The following PKMYT1 variants were observed in gnomAD, a reference collection of about 807,000 sequenced individuals.
PKMYT1 encodes membrane-associated tyrosine- and threonine-specific cdc2-inhibitory kinase.
A neutral mutation model predicts 49.7 loss-of-function variants in PKMYT1; 35 were observed. The observed-to-expected ratio is 0.70, with a 90% CI of 0.54 to 0.93. PKMYT1 has a LOEUF of 0.93. Among genes scored for constraint, PKMYT1 ranks in the 40% least tolerant of loss-of-function variants. The pLI is 0.00. For missense variants in PKMYT1, 677 were observed against 673.1 expected, an observed-to-expected ratio of 1.01 and a Z score of -0.06; for synonymous variants, 331 against 287.6, an observed-to-expected ratio of 1.15 and a Z score of -1.53.
At position 2,975,860 on chromosome 16, in the gene PKMYT1, TGGCACAATC is replaced by T. The variant is rs886336069; in HGVS notation, c.379-57_379-49del. On this transcript the variant is annotated intron_variant, in intron 3 of 8. Coordinates refer to ENST00000262300, the MANE Select transcript of PKMYT1 (RefSeq NM_004203.5). ...GCACACAGTGAGGGTGAGCCACAAG[TGGCACAATC>T]ACATAGGGGGACAACCTGGCAGACC... is the stretch of plus-strand genomic sequence containing the variant. 1.9e-6 allele frequency: 3 copies of T among 1,546,646 alleles called. No individual in the cohort carries two copies. In the African/African-American group the frequency reaches 4.1e-5, roughly 21 times the overall value.
intron 7 of PKMYT1, chr16:2,973,492 T>C: frequency 6.9e-7 from 1 of 1,444,638 alleles, no homozygotes; most frequent in South Asian, 1.2e-5. Flanking sequence ...TAAGCCTTTC[T>C]GGAACTTCTT....
intron 3 of PKMYT1, chr16:2,976,115 G>A: frequency 2.6e-6 from 1 of 390,144 alleles, no homozygotes; most frequent in African/African-American, 2.0e-5. Context: ...GGCAGCCCAG[G>A]CTGTGGTGTG....
chr16:2,973,248 C>T, intron 7 of PKMYT1, 33 bp from the exon 8 acceptor site: 1 of 1,481,738 alleles, frequency 6.7e-7, no homozygotes, highest in Non-Finnish European at 9.0e-7. Flanking sequence ...AGGAGGGTGT[C>T]CAGGGCTAGG....
intron 7 of PKMYT1, chr16:2,973,441 A>T: frequency 2.0e-6 from 3 of 1,527,830 alleles, no homozygotes; most frequent in Non-Finnish European, 2.6e-6. Flanking sequence ...TTCAGAACAC[A>T]TGGACTTGGA....
At chr16:2,979,589 G>C in intron 2 of PKMYT1, 59 bp downstream of exon 2, 1 of 1,396,088 alleles carries the variant, frequency 7.2e-7, no homozygotes, top group Non-Finnish European at 1.0e-6. Flanking sequence ...GGCACACTCG[G>C]GGACCTGGGC....
rs2151067030 is a variant in PKMYT1 at position 2,973,142 on chromosome 16, G to A, written c.1384C>T (p.Pro462Ser). The A allele has an allele frequency of 1.3e-6, 2 of 1,550,244 alleles. No individual in the cohort carries two copies. Among genetic ancestry groups the A allele is most frequent in the Non-Finnish European group, 1.8e-6 (2 of 1,142,204 alleles). The change falls in exon 8 of 9, where the codon CCC (proline) becomes TCC (serine). Residue 462 changes from proline (P) to serine (S), a missense_variant. By Grantham distance (74) the Pro-to-Ser change is moderately conservative (BLOSUM62 -1). Coordinates refer to ENST00000262300, the MANE Select transcript of PKMYT1 (RefSeq NM_004203.5). ...CCAGCCCCTGGACCTGCTTACCTGGGTGTGCACCTGCTCCGGGGGGTGGAG... is the reference window on the plus strand; with the variant it reads ...CCAGCCCCTGGACCTGCTTACCTGGATGTGCACCTGCTCCGGGGGGTGGAG... ...STSTPRSRCTPRDALDLSDIN... is the reference protein window; with the variant it reads ...STSTPRSRCTSRDALDLSDIN...
At chr16:2,977,060 G>T in intron 2 of PKMYT1, 29 bp from the exon 3 acceptor site, 1 of 1,590,056 alleles carries the variant, frequency 6.3e-7, no homozygotes, top group East Asian at 2.2e-5. Context: ...GCTGAGTACA[G>T]GGCAGCATGT....
At position 2,974,047 on chromosome 16, in the gene PKMYT1, C is replaced by T. The variant is rs994135905; in HGVS notation, c.1263G>A (p.Leu421=). The T allele has an allele frequency of 1.4e-5, 23 of 1,612,400 alleles. No homozygotes were observed. Among genetic ancestry groups the T allele is most frequent in the Middle Eastern group, 1.6e-4 (1 of 6,072 alleles). Reference sequence around the variant, plus strand: ...TGCTGGAGAGGCTGCTGTCCAGGAGCAAACTGCAGGGTGGTGAGCCAGGCG... The same window carrying T: ...TGCTGGAGAGGCTGCTGTCCAGGAGTAAACTGCAGGGTGGTGAGCCAGGCG... ...ATPPGSPPCS[L]LLDSSLSSNW... The change falls in exon 7 of 9, where the codon TTG becomes TTA. Residue 421 remains leucine (L), a synonymous_variant. Coordinates refer to ENST00000262300, the MANE Select transcript of PKMYT1 (RefSeq NM_004203.5).
rs1267018806 is a variant in PKMYT1, at chr16:2,973,017, G to C, written c.1436C>G (p.Ser479Cys). 6.2e-7 allele frequency: 1 copy of C among 1,609,974 alleles called. No individual in the cohort carries two copies. The highest frequency in any genetic ancestry group is 8.5e-7 in the Non-Finnish European group (1 of 1,179,090). Residue 479 changes from serine (S) to cysteine (C), a missense_variant, in exon 9 of 9, where the codon TCC becomes TGC. Coordinates refer to ENST00000262300, the MANE Select transcript of PKMYT1 (RefSeq NM_004203.5). Reference sequence around the variant, plus strand: ...GTTCCGAGGCTCAAAGGAGGGGAAGGAGCCCCGAGGAGGCTCTGAGTTGAT... The same window carrying C: ...GTTCCGAGGCTCAAAGGAGGGGAAGCAGCCCCGAGGAGGCTCTGAGTTGAT... ...SDINSEPPRGSFPSFEPRNLL... is the reference protein window; with the variant it reads ...SDINSEPPRGCFPSFEPRNLL...
At chr16:2,973,858 C>A (rs1275713082) in intron 7 of PKMYT1, 142 bp downstream of exon 7, 2 of 931,884 alleles carry the variant, frequency 2.1e-6, no homozygotes, top group Non-Finnish European at 1.6e-6. Flanking sequence ...AGGCCACACA[C>A]CCCCAGTCTT....
At chr16:2,978,374 G>C (rs1268722727) in intron 2 of PKMYT1, among the ~76,000 whole-genome samples, 1 of 152,156 alleles carries the variant, frequency 6.6e-6, no homozygotes, top group Non-Finnish European at 1.5e-5. Flanking sequence ...AGTGGAGAAA[G>C]AGCTAGCTAG....
intron 7 of PKMYT1, chr16:2,973,500 C>G: frequency 7.1e-7 from 1 of 1,414,554 alleles, no homozygotes; most frequent in Non-Finnish European, 9.4e-7. Context: ...TCTGGAACTT[C>G]TTGTCTGCTA....
intron 2 of PKMYT1, 81 bp from the exon 3 acceptor site, chr16:2,977,112 C>A (rs1201485390): frequency 3.2e-6 from 5 of 1,570,268 alleles, no homozygotes; most frequent in Non-Finnish European, 4.3e-6. Context: ...AAAGAGGCCA[C>A]AGAAGAGAGC....
At position 2,975,621 on chromosome 16, in the gene PKMYT1, G is replaced by C. The variant is rs762153541; in HGVS notation, c.570C>G (p.Cys190Trp). ...GGILYLQTEL[C>W]GPSLQQHCEA... is the part of the protein sequence containing the mutation. ...CACAGTGTTGCTGCAGGCTGGGCCC[G>C]CACAGCTCCGTCTGCAGGTACAGGA... The change falls in exon 4 of 9, where the codon TGC becomes TGG. Residue 190 changes from cysteine (C) to tryptophan (W), a missense_variant. Cys to Trp is a radical substitution (Grantham distance 215). Transcript: ENST00000262300. The C allele has an allele frequency of 6.2e-7, 1 of 1,611,152 alleles. No individual in the cohort carries two copies. The highest frequency in any genetic ancestry group is 8.5e-7 in the Non-Finnish European group (1 of 1,179,680).
At chr16:2,978,763 T>A (rs980889112) in intron 2 of PKMYT1, among the ~76,000 whole-genome samples, 14 of 127,930 alleles carry the variant, frequency 1.1e-4, no homozygotes, top group Non-Finnish European at 1.8e-4. Flanking sequence ...AAAAAAAAAA[T>A]TTAATTGGAT....
At chr16:2,974,821 C>T in intron 4 of PKMYT1, 165 bp from the exon 5 acceptor site, 2 of 599,826 alleles carry the variant, frequency 3.3e-6, no homozygotes, top group Non-Finnish European at 5.9e-6. Context: ...TGATCATGAA[C>T]CCTGGGCAGG....
At chr16:2,975,276 C>G (rs1245762890) in intron 4 of PKMYT1, 43 bp downstream of exon 4, 2 of 1,543,408 alleles carry the variant, frequency 1.3e-6, no homozygotes, top group Middle Eastern at 2.2e-4. Flanking sequence ...CCAGGAAGGG[C>G]CTCCCACAGC....
chr16:2,977,069 G>GTCCACTCTGATAC (rs781729725), intron 2 of PKMYT1, 38 bp from the exon 3 acceptor site: 6 of 1,588,820 alleles, frequency 3.8e-6, no homozygotes, highest in Non-Finnish European at 5.1e-6. Context: ...AGGGCAGCAT[G>GTCCACTCTGATAC]TCCACTCTGA....
chr16:2,974,650 G>T lies in PKMYT1; in HGVS notation c.879C>A (p.Gly293=). The T allele has an allele frequency of 6.4e-7, 1 of 1,558,858 alleles. No individual in the cohort carries two copies. The highest frequency in any genetic ancestry group is 1.2e-5 in the South Asian group (1 of 84,772). ...YGTAADVFSL[G]LTILEVACNM... ...TGCATGCCACTTCCAGGATGGTGAG[G>T]CCCAGACTGGCAGGGACGGGATGGG... Residue 293 remains glycine (G), a synonymous_variant, in exon 5 of 9, where the codon GGC becomes GGA. Coordinates refer to ENST00000262300, the MANE Select transcript of PKMYT1 (RefSeq NM_004203.5).
Sources: gnomAD v4.1 joint callset for allele counts (sites outside exome capture counted in the v4.1 genomes callset) on GRCh38, gnomAD v4.1.1 for gene constraint, MANE v1.5 for transcripts, NCBI Gene and HGNC (gene_info 2026-07-23, HGNC 2026-07-21) for gene names.